TOP2B: variants seen among roughly 807,000 people sequenced by gnomAD.
The protein encoded by TOP2B is DNA topoisomerase II beta, also known as DNA topoisomerase 2-beta.
TOP2B carries 51 observed loss-of-function variants against 193.5 expected under a neutral mutation model. That is an observed-to-expected ratio of 0.26 (90% CI 0.21 to 0.33). TOP2B has a LOEUF of 0.33. Ranked by LOEUF, TOP2B falls within the 10% of genes least tolerant of loss-of-function variation. TOP2B has a pLI of 1.00. For synonymous variants in TOP2B, 634 were observed against 635.7 expected (o/e 1.00, Z 0.04); for missense variants, 1,378 against 1,909.3 (o/e 0.72, Z 5.19).
rs1422020130 is a variant in TOP2B at position 25,599,803 on chromosome 3, AT to A, written c.4616-275del. Among the ~76,000 whole-genome samples, 5 of 152,226 alleles carry A rather than the reference AT, an allele frequency of 3.3e-5. No homozygotes were observed. In the East Asian group the frequency reaches 9.6e-4, roughly 29 times the overall value. On this transcript the variant is annotated intron_variant, in intron 34 of 35. Transcript: ENST00000264331. Reference sequence around the variant, plus strand: ...ATCCCTTCATACATAAAACATTTGTATTTGCTATTTGGTCCTTGAGCCTGAA... The same window carrying A: ...ATCCCTTCATACATAAAACATTTGTATTGCTATTTGGTCCTTGAGCCTGAA...
intron 1 of TOP2B, among the ~76,000 whole-genome samples, chr3:25,650,298 TAA>T (rs1428019247): frequency 2.6e-5 from 4 of 152,206 alleles, no homozygotes; most frequent in African/African-American, 9.6e-5. Flanking sequence ...TGGCCCTTCA[TAA>T]AGTCAACAAG....
In TOP2B at chr3:25,598,467, T is replaced by G. The variant is rs375861627; in HGVS notation, c.4721A>C (p.Lys1574Thr). 1.3e-6 allele frequency: 2 copies of G among 1,571,208 alleles called. No homozygotes were observed. Among genetic ancestry groups the G allele is most frequent in the African/African-American group, 1.5e-5 (1 of 67,680 alleles). The change falls in exon 36 of 36, where the codon AAG becomes ACG. Residue 1574 changes from lysine (K) to threonine (T), a missense_variant. This residue lies in a region of TOP2B where 556 missense variants were observed against 584.2 expected (regional missense o/e 0.95). Coordinates refer to ENST00000264331, the MANE Select transcript of TOP2B (RefSeq NM_001330700.2). ...ATCTGAATCCTGATCAAAAGATGTC[T>G]TCTTCGGTTTCTAGATTTTTTTTCA... ...TSKTTSKKPK[K>T]TSFDQDSDVD...
At chr3:25,616,428 A>G (rs1702507014) in intron 25 of TOP2B, among the ~76,000 whole-genome samples, 3 of 151,220 alleles carry the variant, frequency 2.0e-5, no homozygotes, top group Non-Finnish European at 4.4e-5. Context: ...AAAAAAAAAA[A>G]GCTTTATAAT....
rs1329710272 is a variant in TOP2B, at chr3:25,609,326, G to A, written c.3950C>T (p.Thr1317Ile). 5 of 1,594,616 alleles carry A rather than the reference G, an allele frequency of 3.1e-6. No homozygotes were observed. The Admixed American group carries it at 7.0e-5, about 22-fold the overall frequency. Residue 1317 changes from threonine (T) to isoleucine (I), a missense_variant, in exon 30 of 36, where the codon ACA becomes ATA. Physicochemically the swap from Thr to Ile is moderately conservative, Grantham distance 89 (BLOSUM62 -1). Around this residue, in one of 9 missense-constraint regions of TOP2B, gnomAD observed 556 missense variants for 584.2 expected, o/e 0.95. Transcript: ENST00000264331. Reference protein sequence around the residue: ...KKEPGTRVRKTPTSSGKPSAK... With the variant: ...KKEPGTRVRKIPTSSGKPSAK... ...ACTAGGTTTACCAGATGATGTAGGTGTTTTTCTCACTCTGGTACCTAAAGC... is the reference window on the plus strand; with the variant it reads ...ACTAGGTTTACCAGATGATGTAGGTATTTTTCTCACTCTGGTACCTAAAGC...
chr3:25,621,427 T>C (rs1392786703), intron 21 of TOP2B, among the ~76,000 whole-genome samples: 1 of 152,158 alleles, frequency 6.6e-6, no homozygotes, highest in East Asian at 1.9e-4. Context: ...CGTGGCACGA[T>C]ATCAGCTCAC....
chr3:25,635,978 C>A lies in TOP2B; in HGVS notation c.810G>T (p.Ser270=), dbSNP rs770246304. The change falls in exon 7 of 36, where the codon TCG becomes TCT. Residue 270 remains serine, a synonymous_variant. Transcript: ENST00000264331. ...TAAACATGACCTTGACCCCTCTACA[C>A]GAACCAGCCAAATCATATGCCCTTC... ...MTRRAYDLAG[S]CRGVKVMFNG... is the part of the protein sequence containing the mutation. 6.2e-7 allele frequency: 1 copy of A among 1,613,328 alleles called. No homozygotes were observed. Among genetic ancestry groups the A allele is most frequent in the East Asian group, 2.2e-5 (1 of 44,848 alleles).
chr3:25,599,797 A>G lies in TOP2B; in HGVS notation c.4616-268T>C, dbSNP rs190605580. 2.6e-5 allele frequency among the ~76,000 whole-genome samples: 4 copies of G among 152,384 alleles called. No individual in the cohort carries two copies. The East Asian group carries it at 7.7e-4, about 29-fold the overall frequency. On this transcript the variant is annotated intron_variant, in intron 34 of 35. Transcript: ENST00000264331. ...TGATGAATCCCTTCATACATAAAAC[A>G]TTTGTATTTGCTATTTGGTCCTTGA... is the stretch of plus-strand genomic sequence containing the variant.
At chr3:25,627,374 A>G in intron 15 of TOP2B, 78 bp from the exon 16 acceptor site, 1 of 882,340 alleles carries the variant, frequency 1.1e-6, no homozygotes, top group Non-Finnish European at 1.7e-6. Flanking sequence ...GCTGGTGGAA[A>G]AGTTGTAATA....
At chr3:25,650,547 G>A (rs1178089654) in intron 1 of TOP2B, among the ~76,000 whole-genome samples, 1 of 152,194 alleles carries the variant, frequency 6.6e-6, no homozygotes, top group African/African-American at 2.4e-5. Flanking sequence ...GCTCTTGTCT[G>A]CAGCTGATCT....
rs1296515325 is a variant in TOP2B, at chr3:25,636,166, T to G, written c.640-18A>C. 2 of 1,474,674 alleles carry G rather than the reference T, an allele frequency of 1.4e-6. No individual in the cohort carries two copies. Among genetic ancestry groups the G allele is most frequent in the Non-Finnish European group, 1.8e-6 (2 of 1,082,776 alleles). The allele number at this position is 1,474,674 out of a possible 1,614,324, so 91.3% of individuals were successfully genotyped here. A position where few individuals can be genotyped will look rare whatever the true frequency, so the allele number is the denominator to read the frequency against. ...ATCCATGTCTTTAAAAGAAAAAAAT[T>G]CAAATATTTCTATAATGCTTCCATA... is the stretch of plus-strand genomic sequence containing the variant. On this transcript the variant is annotated intron_variant, in intron 6 of 35. Coordinates refer to ENST00000264331, the MANE Select transcript of TOP2B (RefSeq NM_001330700.2).
chr3:25,599,432 T>G lies in TOP2B; in HGVS notation c.4710+3A>C. ...ACTAATATGCAATGATGTTCCCGGT[T>G]ACCTTGCTTGTTGTTTTGGATGTTT... On this transcript the variant is annotated splice_donor_region_variant and intron_variant, in intron 35 of 35. Coordinates refer to ENST00000264331, the MANE Select transcript of TOP2B (RefSeq NM_001330700.2). 6.2e-7 allele frequency: 1 copy of G among 1,612,852 alleles called. No individual in the cohort carries two copies. The highest frequency in any genetic ancestry group is 8.5e-7 in the Non-Finnish European group (1 of 1,179,290).
chr3:25,599,366 C>A, intron 35 of TOP2B, 69 bp downstream of exon 35: 1 of 1,465,892 alleles, frequency 6.8e-7, no homozygotes, highest in Admixed American at 2.0e-5. Context: ...TAGTCATAAG[C>A]AAACTAAGTC....
chr3:25,601,694 T>C (rs770750174), intron 33 of TOP2B, among the ~76,000 whole-genome samples: 1 of 152,166 alleles, frequency 6.6e-6, no homozygotes, highest in African/African-American at 2.4e-5. Context: ...CAATTTCTCA[T>C]AGATGACAAA....
intron 23 of TOP2B, 145 bp from the exon 24 acceptor site, chr3:25,618,994 CAGAACTA>C (rs1449441058): frequency 7.4e-6 from 4 of 541,222 alleles, no homozygotes; most frequent in Non-Finnish European, 1.2e-5. Context: ...AACCATTAAA[CAGAACTA>C]AGACTATTAA....
rs942596159 is a variant in TOP2B, at chr3:25,598,029, C to G, written c.*278G>C. On this transcript the variant is annotated 3_prime_UTR_variant, in exon 36 of 36. Coordinates refer to ENST00000264331, the MANE Select transcript of TOP2B (RefSeq NM_001330700.2). ...TTAAATTTCATTTCAAAAAGCAGGT[C>G]TGTAGTTTGTAACCATGACAATTAA... is the stretch of plus-strand genomic sequence containing the variant. 4.4e-6 allele frequency: 1 copy of G among 227,494 alleles called. No homozygotes were observed. The highest frequency in any genetic ancestry group is 2.3e-5 in the African/African-American group (1 of 44,338). 14.1% of individuals were successfully genotyped at this position (227,494 alleles called of 1,614,324 possible). A position where few individuals can be genotyped will look rare whatever the true frequency, so the allele number is the denominator to read the frequency against.
chr3:25,647,627 A>C (rs1227938200), intron 1 of TOP2B, among the ~76,000 whole-genome samples: 3 of 149,854 alleles, frequency 2.0e-5, no homozygotes, highest in Non-Finnish European at 4.4e-5. Flanking sequence ...AAAAAAAAAA[A>C]CAGGAGTAAA....
At chr3:25,635,408 T>A (rs1703078813) in intron 7 of TOP2B, among the ~76,000 whole-genome samples, 1 of 152,242 alleles carries the variant, frequency 6.6e-6, no homozygotes, top group Non-Finnish European at 1.5e-5. Context: ...ACAGATTTTG[T>A]AACATGTATC....
intron 8 of TOP2B, among the ~76,000 whole-genome samples, chr3:25,633,367 A>C (rs532529086): frequency 6.6e-6 from 1 of 152,154 alleles, no homozygotes; most frequent in African/African-American, 2.4e-5. Flanking sequence ...TACAGGGGAA[A>C]GGGTACACAA....
chr3:25,605,218 C>G (rs1702205788), intron 32 of TOP2B, among the ~76,000 whole-genome samples: 1 of 152,024 alleles, frequency 6.6e-6, no homozygotes, highest in Admixed American at 6.6e-5. Context: ...TTAGTACCTA[C>G]ACAAATAATA....
Sources: gnomAD v4.1 joint callset for allele counts (sites outside exome capture counted in the v4.1 genomes callset) on GRCh38, gnomAD v4.1.1 for gene constraint, gnomAD v4.1.1 regional missense constraint, MANE v1.5 for transcripts, NCBI Gene and HGNC (gene_info 2026-07-23, HGNC 2026-07-21) for gene names.